Variants in WDFY2 observed in about 807,000 individuals in gnomAD.
WDFY2 encodes the protein WD repeat and FYVE domain containing 2.
WDFY2 carries 36 observed loss-of-function variants against 56.4 expected under a neutral mutation model. That is an observed-to-expected ratio of 0.64 (90% CI 0.49 to 0.84). The LOEUF (loss-of-function observed/expected upper bound fraction) is 0.84, where lower values mean the gene tolerates loss of function less well. Among genes scored for constraint, WDFY2 ranks in the 40% least tolerant of loss-of-function variants. The pLI, the probability that WDFY2 is intolerant of heterozygous loss-of-function variation, is 0.00. For missense variants in WDFY2, 444 were observed against 512.2 expected, an observed-to-expected ratio of 0.87 and a Z score of 1.29; for synonymous variants, 176 against 183.7, an observed-to-expected ratio of 0.96 and a Z score of 0.34.
chr13:51,712,317 G>T lies in WDFY2; in HGVS notation c.335-6881G>T, dbSNP rs550351939. ...TATCGTGGTGTGGGGGGAGCGGGGA[G>T]GGATAACATTAGGAGAAATAATGTA... On this transcript the variant is annotated intron_variant, in intron 4 of 11. Transcript: ENST00000298125. Among the ~76,000 whole-genome samples the T allele has an allele frequency of 5.9e-5, 9 of 152,218 alleles. No homozygotes were observed. In the East Asian group the frequency reaches 1.7e-3, roughly 29 times the overall value.
intron 2 of WDFY2, 48 bp from the exon 3 acceptor site, chr13:51,675,122 T>G: frequency 1.7e-4 from 272 of 1,575,036 alleles, no homozygotes; most frequent in Non-Finnish European, 2.2e-4. Flanking sequence ...CCTGAGTCGA[T>G]GAGAATCATG....
At chr13:51,616,649 A>C (rs1052818053) in intron 1 of WDFY2, among the ~76,000 whole-genome samples, 2 of 152,200 alleles carry the variant, frequency 1.3e-5, no homozygotes, top group Admixed American at 6.5e-5. Context: ...GCTTTTAAAG[A>C]CTTCTGTCAC....
intron 1 of WDFY2, among the ~76,000 whole-genome samples, chr13:51,607,266 G>A (rs980661700): frequency 4.6e-5 from 7 of 152,200 alleles, no homozygotes; most frequent in South Asian, 2.1e-4. Context: ...GGGGTAGCTG[G>A]CATGGCCATA....
intron 1 of WDFY2, 76 bp from the exon 2 acceptor site, chr13:51,660,520 T>A (rs1955592506): frequency 6.9e-7 from 1 of 1,441,380 alleles, no homozygotes; most frequent in African/African-American, 1.4e-5. Flanking sequence ...TATTAAGAGA[T>A]TTGTTTTCTA....
At chr13:51,617,443 G>T (rs1178585770) in intron 1 of WDFY2, among the ~76,000 whole-genome samples, 1 of 151,924 alleles carries the variant, frequency 6.6e-6, no homozygotes, top group Non-Finnish European at 1.5e-5. Context: ...GGGTTCAAGC[G>T]AGAATTCTTT....
intron 4 of WDFY2, among the ~76,000 whole-genome samples, chr13:51,710,220 T>G (rs1023039748): frequency 2.6e-5 from 4 of 152,184 alleles, no homozygotes; most frequent in Non-Finnish European, 5.9e-5. Context: ...AGAAAAGGCC[T>G]TTGACAAAAT....
At chr13:51,728,916 T>C (rs1388330891) in intron 6 of WDFY2, among the ~76,000 whole-genome samples, 1 of 152,126 alleles carries the variant, frequency 6.6e-6, no homozygotes, top group East Asian at 1.9e-4. Context: ...TAAACTTCTG[T>C]GCGTCACTGC....
chr13:51,686,734 C>A (rs1251899371), intron 3 of WDFY2, among the ~76,000 whole-genome samples: 1 of 152,096 alleles, frequency 6.6e-6, no homozygotes, highest in Non-Finnish European at 1.5e-5. Context: ...CAACACATTA[C>A]TGTGTTTTCT....
intron 6 of WDFY2, among the ~76,000 whole-genome samples, chr13:51,736,396 C>T (rs940427293): frequency 5.3e-5 from 8 of 152,150 alleles, no homozygotes; most frequent in Non-Finnish European, 1.0e-4. Flanking sequence ...ACTTATAATA[C>T]CATATCCAAA....
chr13:51,620,787 G>C (rs551821947), intron 1 of WDFY2, among the ~76,000 whole-genome samples: 1 of 152,130 alleles, frequency 6.6e-6, no homozygotes, highest in Non-Finnish European at 1.5e-5. Context: ...AATCCTAAAT[G>C]GGAAGTGTGG....
intron 1 of WDFY2, among the ~76,000 whole-genome samples, chr13:51,618,986 GT>G (rs1293714102): frequency 6.6e-6 from 1 of 152,246 alleles, no homozygotes; most frequent in Non-Finnish European, 1.5e-5. Context: ...AACCAAATCT[GT>G]GATCCCCTTT....
chr13:51,596,910 A>G (rs1404114038), intron 1 of WDFY2, among the ~76,000 whole-genome samples: 1 of 152,186 alleles, frequency 6.6e-6, no homozygotes, highest in Non-Finnish European at 1.5e-5. Context: ...TAAAATTCCA[A>G]TAGCTTTAAG....
intron 1 of WDFY2, among the ~76,000 whole-genome samples, chr13:51,641,442 A>G (rs1955154623): frequency 6.6e-6 from 1 of 152,076 alleles, no homozygotes; most frequent in South Asian, 2.1e-4. Flanking sequence ...CATGTTTTTT[A>G]TGAGAGCATA....
chr13:51,668,941 TA>T (rs1219666756), intron 2 of WDFY2, among the ~76,000 whole-genome samples: 4 of 152,208 alleles, frequency 2.6e-5, no homozygotes, highest in Non-Finnish European at 5.9e-5. Context: ...TTGGTGTACG[TA>T]ACAGAAATTA....
At position 51,664,922 on chromosome 13, in the gene WDFY2, T is replaced by C. The variant is rs548917559; in HGVS notation, c.205+4259T>C. 2.0e-3 allele frequency among the ~76,000 whole-genome samples: 300 copies of C among 152,374 alleles called. 2 individuals are homozygous for C. The highest frequency in any genetic ancestry group is 6.7e-3 in the African/African-American group (280 of 41,590). On this transcript the variant is annotated intron_variant, in intron 2 of 11. Transcript: ENST00000298125. ...AGTTCATTCAACAAATGTTAAGCGTTTCTTCCACATCTAACATTGTACGAT... is the reference window on the plus strand; with the variant it reads ...AGTTCATTCAACAAATGTTAAGCGTCTCTTCCACATCTAACATTGTACGAT...
At chr13:51,713,846 CAAAAA>C (rs763208351) in intron 4 of WDFY2, among the ~76,000 whole-genome samples, 1 of 55,370 alleles carries the variant, frequency 1.8e-5, no homozygotes, top group Admixed American at 1.9e-4. Flanking sequence ...GATTCCATCT[CAAAAA>C]AAAAAAAAAA....
intron 2 of WDFY2, among the ~76,000 whole-genome samples, chr13:51,661,081 C>T (rs996273690): frequency 6.6e-6 from 1 of 152,192 alleles, no homozygotes. Context: ...ATTGAGCATT[C>T]AGTTCTCAGA....
chr13:51,763,746 T>A lies in WDFY2; in HGVS notation c.*3977T>A, dbSNP rs1456502064. ...CCAGGAATTCAAGGATGCAGTGAGCTATGATTGCACTACTGCAGTCCAGCC... is the reference window on the plus strand; with the variant it reads ...CCAGGAATTCAAGGATGCAGTGAGCAATGATTGCACTACTGCAGTCCAGCC... On this transcript the variant is annotated 3_prime_UTR_variant, in exon 12 of 12. Coordinates refer to ENST00000298125, the MANE Select transcript of WDFY2 (RefSeq NM_052950.4). 1 of 152,228 alleles carries A rather than the reference T, an allele frequency of 6.6e-6. No individual in the cohort carries two copies. Among genetic ancestry groups the A allele is most frequent in the Non-Finnish European group, 1.5e-5 (1 of 68,040 alleles). The allele number at this position is 152,228 out of a possible 1,614,324, so 9.4% of individuals were successfully genotyped here.
At chr13:51,647,350 G>A (rs572665192) in intron 1 of WDFY2, among the ~76,000 whole-genome samples, 16 of 152,304 alleles carry the variant, frequency 1.1e-4, no homozygotes, top group South Asian at 4.1e-4. Flanking sequence ...ATTCCTAGGC[G>A]ACAAATTTGT....
Sources: gnomAD v4.1 joint callset for allele counts (sites outside exome capture counted in the v4.1 genomes callset) on GRCh38, gnomAD v4.1.1 for gene constraint, MANE v1.5 for transcripts, NCBI Gene and HGNC (gene_info 2026-07-23, HGNC 2026-07-21) for gene names.